Variants in TG observed in about 807,000 individuals in gnomAD.
The protein encoded by TG is thyroid hormones.
Under a neutral mutation model 324.7 loss-of-function variants are expected in TG, and 270 were observed. The observed-to-expected ratio is 0.83, with a 90% CI of 0.75 to 0.92. The LOEUF is 0.92. Among genes scored for constraint, TG ranks in the 40% least tolerant of loss-of-function variants. TG has a pLI of 0.00. For synonymous variants in TG, 1,401 were observed against 1,327.0 expected (o/e 1.06, Z -1.21); for missense variants, 3,591 against 3,456.4 (o/e 1.04, Z -0.98).
chr8:132,948,183 C>CA (rs1170496732), intron 26 of TG, among the ~76,000 whole-genome samples: 7 of 151,578 alleles, frequency 4.6e-5, no homozygotes, highest in Admixed American at 4.0e-4. Context: ...ACTCCGTCCC[C>CA]CCCCAAAAAA....
intron 45 of TG, among the ~76,000 whole-genome samples, chr8:133,124,373 T>C (rs1003651268): frequency 2.0e-5 from 3 of 152,224 alleles, no homozygotes; most frequent in African/African-American, 7.2e-5. Context: ...GGCTGGGGTA[T>C]GGCTCTTGGG....
intron 21 of TG, among the ~76,000 whole-genome samples, chr8:132,922,190 A>T (rs192780576): frequency 5.2e-4 from 79 of 152,350 alleles, no homozygotes; most frequent in African/African-American, 1.9e-3. Flanking sequence ...TACATATTAG[A>T]TACTGTTATA....
intron 26 of TG, among the ~76,000 whole-genome samples, chr8:132,946,649 A>C (rs1563988772): frequency 6.6e-6 from 1 of 150,682 alleles, no homozygotes; most frequent in African/African-American, 2.4e-5. Context: ...TCCAATCTCC[A>C]CCCCTCTAAG....
At chr8:132,985,208 C>T (rs1209227886) in intron 35 of TG, among the ~76,000 whole-genome samples, 1 of 152,168 alleles carries the variant, frequency 6.6e-6, no homozygotes, top group Non-Finnish European at 1.5e-5. Flanking sequence ...TCAAGTACTA[C>T]ATTGAATCCA....
intron 41 of TG, among the ~76,000 whole-genome samples, chr8:133,035,227 T>C (rs996217476): frequency 6.6e-6 from 1 of 152,254 alleles, no homozygotes; most frequent in Non-Finnish European, 1.5e-5. Context: ...AGTAGCAATA[T>C]GTCATTTATT....
rs1834747728 is a variant in TG at position 133,013,744 on chromosome 8, C to T, written c.6542C>T (p.Thr2181Ile). 1 of 1,611,760 alleles carries T rather than the reference C, an allele frequency of 6.2e-7. No individual in the cohort carries two copies. Among genetic ancestry groups the T allele is most frequent in the East Asian group, 2.2e-5 (1 of 44,882 alleles). ...NCRLLLREEA[T>I]HIYRKPGISL... ...CGACTTCTGCTTCGTGAAGAGGCCACCCACATCTACCGGAAGCCAGGTAAG... is the reference window on the plus strand; with the variant it reads ...CGACTTCTGCTTCGTGAAGAGGCCATCCACATCTACCGGAAGCCAGGTAAG... The change falls in exon 37 of 48, where the codon ACC becomes ATC. Residue 2181 changes from threonine (T) to isoleucine (I), a missense_variant. Thr to Ile is a moderately conservative substitution (Grantham distance 89, BLOSUM62 -1). Transcript: ENST00000220616.
chr8:132,979,153 C>T lies in TG; in HGVS notation c.6200-4197C>T, dbSNP rs760169196. Among the ~76,000 whole-genome samples the T allele has an allele frequency of 5.9e-5, 9 of 152,088 alleles. No homozygotes were observed. The South Asian group carries it at 1.0e-3, about 18-fold the overall frequency. ...GTGCTGAGGGGAGGAGGGGGTGGTGCGTGGAATAAGGGGCTGCTCTGTGGT... is the reference window on the plus strand; with the variant it reads ...GTGCTGAGGGGAGGAGGGGGTGGTGTGTGGAATAAGGGGCTGCTCTGTGGT... On this transcript the variant is annotated intron_variant, in intron 34 of 47. Coordinates refer to ENST00000220616, the MANE Select transcript of TG (RefSeq NM_003235.5).
chr8:132,894,021 T>C (rs1454900419), intron 11 of TG, 92 bp downstream of exon 11: 1 of 1,600,058 alleles, frequency 6.2e-7, no homozygotes, highest in Non-Finnish European at 8.5e-7. Flanking sequence ...TAGGACTTTG[T>C]GGTTTGGCTT....
chr8:132,931,751 T>A (rs1264906122), intron 23 of TG, among the ~76,000 whole-genome samples: 1 of 151,962 alleles, frequency 6.6e-6, no homozygotes, highest in Non-Finnish European at 1.5e-5. Flanking sequence ...GTTAGTTCAG[T>A]TAAGGGGACA....
chr8:132,971,964 A>C lies in TG; in HGVS notation c.6055+91A>C, dbSNP rs1829585612. The stretch of plus-strand genomic sequence containing the variant: ...ATCTATGCTTTTACAAATCCTCAGC[A>C]TCTCCTATCCTCGTTCACAGATAAG... On this transcript the variant is annotated intron_variant, in intron 33 of 47. Transcript: ENST00000220616. The C allele has an allele frequency of 5.3e-6, 5 of 937,540 alleles. No homozygotes were observed. The Admixed American group carries it at 5.4e-5, about 10-fold the overall frequency. The allele number at this position is 937,540 out of a possible 1,614,324, so 58.1% of individuals were successfully genotyped here.
At chr8:132,933,768 G>A (rs1392157498) in intron 24 of TG, 92 bp downstream of exon 24, 1 of 1,160,632 alleles carries the variant, frequency 8.6e-7, no homozygotes, top group Non-Finnish European at 1.3e-6. Flanking sequence ...CCAGGCGATG[G>A]AATGAGGTTG....
chr8:132,972,589 C>G lies in TG; in HGVS notation c.6056-9C>G. ...TTGTGGTTTTTTGTTTTTTTTTTTT[C>G]CACCCCAGGAGGAGAGGTGACATGT... On this transcript the variant is annotated splice_polypyrimidine_tract_variant and intron_variant, in intron 33 of 47. Transcript: ENST00000220616. The G allele has an allele frequency of 9.8e-7, 1 of 1,015,560 alleles. No homozygotes were observed. The highest frequency in any genetic ancestry group is 1.4e-6 in the Non-Finnish European group (1 of 730,766). 62.9% of individuals were successfully genotyped at this position (1,015,560 alleles called of 1,614,324 possible).
At chr8:133,015,714 G>A (rs187789267) in intron 37 of TG, among the ~76,000 whole-genome samples, 295 of 152,338 alleles carry the variant, frequency 1.9e-3, no homozygotes, top group African/African-American at 6.4e-3. Flanking sequence ...CAGCAGCCAC[G>A]GTCCTGAGTG....
chr8:132,959,372 G>A (rs79634240), intron 27 of TG, among the ~76,000 whole-genome samples: 7,446 of 152,214 alleles, frequency 0.049, 529 homozygotes, highest in African/African-American at 0.16. Flanking sequence ...ATTAAATGGA[G>A]AATAAGATTA....
At position 132,892,563 on chromosome 8, in the gene TG, C is replaced by T. The variant is rs182081213; in HGVS notation, c.2762-1127C>T. ...TGGTGACTGAATGGGAGTGTGGAGGCAAAACAAGGAACATTCCAGGTTGTG... is the reference window on the plus strand; with the variant it reads ...TGGTGACTGAATGGGAGTGTGGAGGTAAAACAAGGAACATTCCAGGTTGTG... On this transcript the variant is annotated intron_variant, in intron 10 of 47. Coordinates refer to ENST00000220616, the MANE Select transcript of TG (RefSeq NM_003235.5). 1.1e-4 allele frequency among the ~76,000 whole-genome samples: 16 copies of T among 152,222 alleles called. No homozygotes were observed. The East Asian group carries it at 2.9e-3, about 28-fold the overall frequency.
At chr8:132,947,350 T>C (rs1050903690) in intron 26 of TG, among the ~76,000 whole-genome samples, 1 of 152,210 alleles carries the variant, frequency 6.6e-6, no homozygotes, top group African/African-American at 2.4e-5. Context: ...ATTTCTGATG[T>C]CATCAGTCTA....
At chr8:132,883,941 C>A (rs1240444351) in intron 8 of TG, among the ~76,000 whole-genome samples, 1 of 152,184 alleles carries the variant, frequency 6.6e-6, no homozygotes, top group East Asian at 1.9e-4. Flanking sequence ...CCTCTGAAAG[C>A]TCTAGGGGAG....
chr8:132,919,452 A>G lies in TG; in HGVS notation c.4455A>G (p.Ala1485=). Residue 1485 remains alanine (A), a synonymous_variant, in exon 21 of 48, where the codon GCA becomes GCG. Coordinates refer to ENST00000220616, the MANE Select transcript of TG (RefSeq NM_003235.5). ...PCPVGFYQEQ[A]GSLACVPCPV... The stretch of plus-strand genomic sequence containing the variant: ...CTGTTGGATTCTACCAAGAACAGGC[A>G]GGGAGCTTGGCCTGTGTCCCATGTC... The G allele has an allele frequency of 6.2e-7, 1 of 1,614,148 alleles. No individual in the cohort carries two copies.
intron 35 of TG, among the ~76,000 whole-genome samples, chr8:133,005,309 G>A (rs1465385236): frequency 6.6e-6 from 1 of 152,160 alleles, no homozygotes; most frequent in Non-Finnish European, 1.5e-5. Context: ...GGCGAGGGGA[G>A]GAGGGGTCAG....
Sources: allele counts gnomAD v4.1 joint callset (sites outside exome capture counted in the v4.1 genomes callset), GRCh38; gene constraint gnomAD v4.1.1; transcripts MANE v1.5; gene names NCBI Gene and HGNC (gene_info 2026-07-23, HGNC 2026-07-21).